DSE: variants seen among roughly 807,000 people sequenced by gnomAD.
The protein encoded by DSE is dermatan sulfate epimerase.
In DSE, 36 loss-of-function variants were observed where a neutral mutation model predicts 84.4. The ratio of observed to expected loss-of-function variants is 0.43; its 90% confidence interval spans 0.33 to 0.56. The LOEUF (loss-of-function observed/expected upper bound fraction) is 0.56. Ranked by LOEUF, DSE falls within the 20% of genes least tolerant of loss-of-function variation. DSE has a pLI of 0.06. For synonymous variants in DSE, 410 were observed against 430.1 expected, an observed-to-expected ratio of 0.95 and a Z score of 0.58; for missense variants, 862 against 1,169.6, an observed-to-expected ratio of 0.74 and a Z score of 3.84.
chr6:116,341,257 T>C (rs926099181), intron 2 of DSE, among the ~76,000 whole-genome samples: 7 of 152,240 alleles, frequency 4.6e-5, no homozygotes, highest in African/African-American at 1.4e-4. Context: ...CATTTTTTAA[T>C]GTGTCAGCTG....
At chr6:116,273,237 A>G (rs1233982785) in intron 2 of DSE, among the ~76,000 whole-genome samples, 2 of 152,178 alleles carry the variant, frequency 1.3e-5, no homozygotes, top group Non-Finnish European at 2.9e-5. Context: ...TACTTAAATG[A>G]CCCTTTCCTT....
At chr6:116,352,776 C>A (rs1331045852) in intron 2 of DSE, among the ~76,000 whole-genome samples, 1 of 152,124 alleles carries the variant, frequency 6.6e-6, no homozygotes, top group African/African-American at 2.4e-5. Flanking sequence ...TGCAACACAG[C>A]CTTAGGGCAA....
chr6:116,278,304 A>T, intron 2 of DSE: 1 of 601,084 alleles, frequency 1.7e-6, no homozygotes, highest in South Asian at 2.0e-5. Flanking sequence ...GTGATATTCC[A>T]GAACAGCATG....
chr6:116,385,965 T>C (rs1269975442), intron 1 of DSE, among the ~76,000 whole-genome samples: 1 of 152,246 alleles, frequency 6.6e-6, no homozygotes, highest in Non-Finnish European at 1.5e-5. Context: ...TATACAATTT[T>C]TATTTCAATC....
intron 2 of DSE, among the ~76,000 whole-genome samples, chr6:116,363,410 A>G (rs1165450438): frequency 6.6e-6 from 1 of 152,118 alleles, no homozygotes; most frequent in African/African-American, 2.4e-5. Context: ...TATGATAGAT[A>G]CTTAGCTGAT....
At chr6:116,388,476 C>T (rs1182045306) in intron 1 of DSE, among the ~76,000 whole-genome samples, 3 of 152,058 alleles carry the variant, frequency 2.0e-5, no homozygotes, top group Non-Finnish European at 4.4e-5. Context: ...GTCAAGTTGA[C>T]ACAAAACTAT....
At chr6:116,373,968 A>C (rs1779768253) in intron 1 of DSE, among the ~76,000 whole-genome samples, 1 of 152,248 alleles carries the variant, frequency 6.6e-6, no homozygotes. Context: ...AAAATATTTA[A>C]ATTTGAGTTT....
Position 116,436,657 on chromosome 6 carries a change from GC to G in DSE, c.2190del (p.Ser730ArgfsTer6). On this transcript the variant is annotated frameshift_variant, in exon 6 of 6. Coordinates refer to ENST00000644252, the MANE Select transcript of DSE (RefSeq NM_013352.4). LOFTEE classifies it high-confidence loss of function. ...LFDRNSAIKS[S>X]IVPEVKDYAA... The stretch of plus-strand genomic sequence containing the variant: ...GACCGGAATTCAGCCATCAAGAGCA[GC>G]ATTGTCCCTGAGGTGAAGGACTATG... 6.2e-7 allele frequency: 1 copy of G among 1,614,202 alleles called. No homozygotes were observed. The highest frequency in any genetic ancestry group is 8.5e-7 in the Non-Finnish European group (1 of 1,180,028).
intron 2 of DSE, among the ~76,000 whole-genome samples, chr6:116,328,356 A>G (rs1471185575): frequency 6.6e-6 from 1 of 152,216 alleles, no homozygotes; most frequent in Non-Finnish European, 1.5e-5. Context: ...GATTCACATT[A>G]TGAGTCACTT....
chr6:116,291,903 C>T (rs1003648225), intron 2 of DSE, among the ~76,000 whole-genome samples: 7 of 152,018 alleles, frequency 4.6e-5, no homozygotes, highest in African/African-American at 1.7e-4. Context: ...GTTTGGGTAA[C>T]AAGGATGGGT....
chr6:116,392,221 C>T (rs1030318787), intron 1 of DSE, among the ~76,000 whole-genome samples: 1 of 152,200 alleles, frequency 6.6e-6, no homozygotes, highest in Non-Finnish European at 1.5e-5. Flanking sequence ...TCCTAATGCT[C>T]TCAGGCAATC....
intron 2 of DSE, among the ~76,000 whole-genome samples, chr6:116,299,508 A>T (rs1035707243): frequency 2.8e-3 from 7 of 2,492 alleles, no homozygotes; most frequent in African/African-American, 1.9e-3. Context: ...TTATTTTTAT[A>T]TATATATATA....
intron 2 of DSE, among the ~76,000 whole-genome samples, chr6:116,351,028 A>G (rs562817600): frequency 6.6e-5 from 10 of 152,294 alleles, no homozygotes; most frequent in African/African-American, 2.4e-4. Context: ...TCATTTGTTA[A>G]AAAGCTCCCA....
At chr6:116,271,340 A>G (rs1772869071) in intron 2 of DSE, among the ~76,000 whole-genome samples, 1 of 152,218 alleles carries the variant, frequency 6.6e-6, no homozygotes, top group South Asian at 2.1e-4. Context: ...AACAAGATCC[A>G]GGTGGTGCAG....
At chr6:116,275,778 G>A (rs1041113380) in intron 2 of DSE, among the ~76,000 whole-genome samples, 2 of 143,508 alleles carry the variant, frequency 1.4e-5, no homozygotes, top group Non-Finnish European at 3.0e-5. Flanking sequence ...TCCAGCCTGG[G>A]CAAGAGTGGG....
intron 2 of DSE, among the ~76,000 whole-genome samples, chr6:116,305,172 A>C (rs1253123391): frequency 6.6e-6 from 1 of 151,868 alleles, no homozygotes; most frequent in East Asian, 1.9e-4. Flanking sequence ...ACCTGCGCTA[A>C]ATCCTGTTGG....
chr6:116,405,287 G>A (rs1389402771), intron 2 of DSE, among the ~76,000 whole-genome samples: 1 of 152,150 alleles, frequency 6.6e-6, no homozygotes, highest in African/African-American at 2.4e-5. Flanking sequence ...CAAAAGCCGG[G>A]AGAATGTAGC....
At chr6:116,328,178 A>G (rs182863501) in intron 2 of DSE, among the ~76,000 whole-genome samples, 7 of 152,356 alleles carry the variant, frequency 4.6e-5, no homozygotes, top group Admixed American at 3.3e-4. Flanking sequence ...AAATTTGTCA[A>G]TGAAACATAG....
chr6:116,267,541 A>G (rs1190347534), intron 2 of DSE, among the ~76,000 whole-genome samples: 1 of 152,204 alleles, frequency 6.6e-6, no homozygotes, highest in Non-Finnish European at 1.5e-5. Flanking sequence ...AAGTGTCATT[A>G]TAAAAGACTC....
Sources: gnomAD v4.1 joint callset for allele counts (sites outside exome capture counted in the v4.1 genomes callset) on GRCh38, gnomAD v4.1.1 for gene constraint, MANE v1.5 for transcripts, NCBI Gene and HGNC (gene_info 2026-07-23, HGNC 2026-07-21) for gene names.